Variants in KLHL7 observed in about 807,000 individuals in gnomAD.
KLHL7 encodes the protein kelch like family member 7, also known as kelch-like protein 7.
A neutral mutation model predicts 67.4 loss-of-function variants in KLHL7; 44 were observed. That is an observed-to-expected ratio of 0.65 (90% confidence interval 0.51 to 0.84). KLHL7 has a LOEUF of 0.84. Ranked by LOEUF, KLHL7 falls within the 40% of genes least tolerant of loss-of-function variation. The pLI is 0.00. For synonymous variants in KLHL7, 252 were observed against 243.3 expected (o/e 1.04, Z -0.33); for missense variants, 362 against 718.1 (o/e 0.50, Z 5.67).
intron 5 of KLHL7, 123 bp from the exon 6 acceptor site, chr7:23,143,728 A>T (rs976759331): frequency 1.8e-5 from 18 of 1,021,368 alleles, no homozygotes; most frequent in Non-Finnish European, 1.1e-5. Context: ...CAGGGATGAA[A>T]AATACTAGAA....
At chr7:23,115,345 A>G (rs1783040271) in intron 1 of KLHL7, among the ~76,000 whole-genome samples, 1 of 152,180 alleles carries the variant, frequency 6.6e-6, no homozygotes, top group African/African-American at 2.4e-5. Flanking sequence ...TGGGGAACAG[A>G]GGGTTTTCAA....
chr7:23,136,576 G>T (rs1274867491), intron 4 of KLHL7, among the ~76,000 whole-genome samples: 2 of 152,196 alleles, frequency 1.3e-5, no homozygotes, highest in African/African-American at 4.8e-5. Flanking sequence ...GATACCCTTG[G>T]AGTATTTACA....
chr7:23,116,702 C>A (rs1018732285), intron 1 of KLHL7, among the ~76,000 whole-genome samples: 3 of 152,144 alleles, frequency 2.0e-5, no homozygotes, highest in East Asian at 1.9e-4. Flanking sequence ...TACTGCCAGC[C>A]GTCACTACTC....
At chr7:23,120,693 A>G (rs1240510597) in intron 1 of KLHL7, among the ~76,000 whole-genome samples, 1 of 152,126 alleles carries the variant, frequency 6.6e-6, no homozygotes, top group Non-Finnish European at 1.5e-5. Flanking sequence ...CAACCTCCCA[A>G]GTAGCTGGGA....
chr7:23,138,461 TAAA>T (rs60497553), intron 4 of KLHL7, among the ~76,000 whole-genome samples: 1 of 63,234 alleles, frequency 1.6e-5, no homozygotes, highest in East Asian at 4.5e-4. Flanking sequence ...GACTCCATCT[TAAA>T]AAAAAAAAAA....
At chr7:23,134,968 C>G (rs1265289685) in intron 4 of KLHL7, among the ~76,000 whole-genome samples, 1 of 151,250 alleles carries the variant, frequency 6.6e-6, no homozygotes, top group Non-Finnish European at 1.5e-5. Flanking sequence ...TTTATTTCTC[C>G]TACTAATTTT....
chr7:23,118,913 G>GA (rs1359774388), intron 1 of KLHL7, among the ~76,000 whole-genome samples: 4 of 150,708 alleles, frequency 2.7e-5, no homozygotes, highest in Non-Finnish European at 5.9e-5. Flanking sequence ...CTCTACAAAA[G>GA]AAAAAAAAAT....
chr7:23,169,877 T>C (rs1012258701), intron 9 of KLHL7, among the ~76,000 whole-genome samples: 13 of 152,190 alleles, frequency 8.5e-5, no homozygotes, highest in Admixed American at 1.3e-4. Flanking sequence ...AATATAATTA[T>C]CCAACTCTCA....
intron 7 of KLHL7, among the ~76,000 whole-genome samples, chr7:23,153,257 T>A (rs1242278724): frequency 1.3e-5 from 2 of 152,160 alleles, no homozygotes; most frequent in Non-Finnish European, 2.9e-5. Context: ...AGCTCATTAT[T>A]GGCTATTACT....
intron 7 of KLHL7, 81 bp downstream of exon 7, chr7:23,152,290 A>G: frequency 8.2e-7 from 1 of 1,222,924 alleles, no homozygotes; most frequent in Non-Finnish European, 1.2e-6. Context: ...TAGAAGTAGT[A>G]ATAACTCATA....
intron 4 of KLHL7, among the ~76,000 whole-genome samples, chr7:23,128,829 T>C (rs988521435): frequency 1.4e-4 from 22 of 152,212 alleles, no homozygotes; most frequent in African/African-American, 5.1e-4. Context: ...TTCATATAAA[T>C]TGAATCATAC....
chr7:23,147,579 G>A (rs761338481), intron 6 of KLHL7, among the ~76,000 whole-genome samples: 16 of 152,242 alleles, frequency 1.1e-4, no homozygotes, highest in Non-Finnish European at 2.1e-4. Flanking sequence ...TATATGTTTT[G>A]TAATTTTGAA....
At chr7:23,135,025 A>G (rs959867775) in intron 4 of KLHL7, among the ~76,000 whole-genome samples, 6 of 152,160 alleles carry the variant, frequency 3.9e-5, no homozygotes, top group African/African-American at 1.4e-4. Context: ...ATACATCATT[A>G]GATTGTTAAT....
chr7:23,119,938 A>G (rs1226516392), intron 1 of KLHL7, among the ~76,000 whole-genome samples: 1 of 152,174 alleles, frequency 6.6e-6, no homozygotes, highest in Non-Finnish European at 1.5e-5. Flanking sequence ...TAATTTGGCT[A>G]AGATTTCCAG....
chr7:23,171,507 C>T (rs1785160262), intron 9 of KLHL7, among the ~76,000 whole-genome samples: 1 of 152,136 alleles, frequency 6.6e-6, no homozygotes, highest in African/African-American at 2.4e-5. Flanking sequence ...GTATGCCGGT[C>T]ACTTCACCTG....
At chr7:23,153,704 A>T (rs781688116) in intron 7 of KLHL7, among the ~76,000 whole-genome samples, 19 of 152,226 alleles carry the variant, frequency 1.2e-4, no homozygotes, top group Non-Finnish European at 2.4e-4. Flanking sequence ...CTCAAGCTAT[A>T]TGCAGCATCC....
intron 7 of KLHL7, among the ~76,000 whole-genome samples, chr7:23,158,913 T>C (rs757490422): frequency 1.3e-5 from 2 of 152,202 alleles, no homozygotes; most frequent in African/African-American, 2.4e-5. Context: ...GGAAGCTTCA[T>C]GGAAGTTTTC....
intron 6 of KLHL7, among the ~76,000 whole-genome samples, chr7:23,151,775 T>C (rs1170736319): frequency 6.6e-6 from 1 of 152,208 alleles, no homozygotes; most frequent in Non-Finnish European, 1.5e-5. Flanking sequence ...TCAATAATTA[T>C]TATTTTGGCA....
intron 9 of KLHL7, among the ~76,000 whole-genome samples, chr7:23,168,391 T>C (rs971478570): frequency 6.6e-6 from 1 of 152,192 alleles, no homozygotes; most frequent in Non-Finnish European, 1.5e-5. Context: ...AATAAATTTA[T>C]CCTTAAGTAG....
Sources: gnomAD v4.1 joint callset for allele counts (sites outside exome capture counted in the v4.1 genomes callset) on GRCh38, gnomAD v4.1.1 for gene constraint, MANE v1.5 for transcripts, NCBI Gene and HGNC (gene_info 2026-07-23, HGNC 2026-07-21) for gene names.